The following DNAH12 variants were observed in gnomAD, a reference collection of about 807,000 sequenced individuals.
The protein encoded by DNAH12 is dynein axonemal heavy chain 12.
DNAH12 carries 285 observed loss-of-function variants against 371.5 expected under a neutral mutation model. The ratio of observed to expected loss-of-function variants is 0.77; its 90% CI spans 0.70 to 0.85. DNAH12 has a LOEUF of 0.85. Among genes scored for constraint, DNAH12 ranks in the 40% least tolerant of loss-of-function variants. DNAH12 has a pLI of 0.00. For missense variants in DNAH12, 3,611 were observed against 3,689.4 expected (o/e 0.98, Z 0.55); for synonymous variants, 1,200 against 1,213.0 (o/e 0.99, Z 0.22).
At chr3:57,448,835 CAG>C (rs2065638685) in intron 25 of DNAH12, among the ~76,000 whole-genome samples, 4 of 152,138 alleles carry the variant, frequency 2.6e-5, no homozygotes, top group Non-Finnish European at 4.4e-5. Flanking sequence ...TAGCTAGATA[CAG>C]AGTGTTGATT....
chr3:57,372,536 T>C (rs1239782174), intron 55 of DNAH12, among the ~76,000 whole-genome samples: 1 of 151,890 alleles, frequency 6.6e-6, no homozygotes, highest in Non-Finnish European at 1.5e-5. Flanking sequence ...TTATGGCATA[T>C]GAAAAAGTGA....
At chr3:57,373,103 G>A (rs2063209340) in intron 55 of DNAH12, among the ~76,000 whole-genome samples, 1 of 152,116 alleles carries the variant, frequency 6.6e-6, no homozygotes, top group African/African-American at 2.4e-5. Flanking sequence ...AGTCCTAACT[G>A]TAAAAAGTAC....
chr3:57,398,589 G>C (rs2063792307), intron 43 of DNAH12, among the ~76,000 whole-genome samples: 1 of 152,194 alleles, frequency 6.6e-6, no homozygotes, highest in Non-Finnish European at 1.5e-5. Flanking sequence ...ATTACCTTAA[G>C]ATTAGCAGTG....
chr3:57,345,390 T>C (rs1015485134), intron 60 of DNAH12, among the ~76,000 whole-genome samples: 1 of 152,164 alleles, frequency 6.6e-6, no homozygotes, highest in Non-Finnish European at 1.5e-5. Context: ...CCATAATGTA[T>C]ACAAAGAATT....
chr3:57,429,456 G>A (rs145178175), intron 33 of DNAH12, among the ~76,000 whole-genome samples: 177 of 152,232 alleles, frequency 1.2e-3, no homozygotes, highest in African/African-American at 4.0e-3. Context: ...AATTACAGGC[G>A]TGAGCCACCG....
intron 73 of DNAH12, among the ~76,000 whole-genome samples, 200 bp from the exon 74 acceptor site, chr3:57,294,171 CTTTTCTT>C (rs1559528195): frequency 1.6e-5 from 2 of 124,370 alleles, no homozygotes; most frequent in Non-Finnish European, 3.3e-5. Context: ...TATTTCTTTT[CTTTTCTT>C]TTTTTTTTTT....
At chr3:57,325,017 A>G (rs1331673455) in intron 62 of DNAH12, among the ~76,000 whole-genome samples, 2 of 152,278 alleles carry the variant, frequency 1.3e-5, no homozygotes, top group African/African-American at 2.4e-5. Flanking sequence ...GAGGCTGGGG[A>G]AGGGGCGCCC....
intron 69 of DNAH12, among the ~76,000 whole-genome samples, chr3:57,302,558 TATATATG>T (rs2061377468): frequency 4.0e-5 from 4 of 101,208 alleles, no homozygotes; most frequent in Non-Finnish European, 5.7e-5. Context: ...TATATATATA[TATATATG>T]TATTTTTTTT....
At chr3:57,444,915 C>G (rs887920634) in intron 28 of DNAH12, 99 bp from the exon 29 acceptor site, 96 of 1,413,894 alleles carry the variant, frequency 6.8e-5, no homozygotes, top group South Asian at 1.2e-4. Flanking sequence ...ACCCCACCCC[C>G]CTGGCTAAAA....
chr3:57,551,811 GA>G, the DNAH12 span, among the ~76,000 whole-genome samples: 75 of 123,594 alleles, frequency 6.1e-4, no homozygotes, highest in African/African-American at 2.1e-3. Context: ...TCAAAAAAAT[GA>G]AAAAAAAACA....
intron 62 of DNAH12, among the ~76,000 whole-genome samples, chr3:57,333,574 GT>G (rs1290571516): frequency 6.6e-6 from 1 of 151,790 alleles, no homozygotes; most frequent in Admixed American, 6.6e-5. Context: ...CAAGTGATCT[GT>G]CCTCCTCGGC....
chr3:57,514,891 T>C lies in DNAH12; in HGVS notation c.280-3912A>G, dbSNP rs144751201. Among the ~76,000 whole-genome samples the C allele has an allele frequency of 2.7e-3, 414 of 152,294 alleles. 2 individuals carry two copies. Among genetic ancestry groups the C allele is most frequent in the Non-Finnish European group, 4.4e-3 (297 of 68,022 alleles). ...TCCTTATGCTAAGTACAAAAGACTA[T>C]AGGTGAATATTAAACTATGGTGAGG... On this transcript the variant is annotated intron_variant, in intron 4 of 73. Coordinates refer to ENST00000495027, the MANE Select transcript of DNAH12 (RefSeq NM_001366028.2).
rs1303330717 is a variant in DNAH12, at chr3:57,310,837, G to A, written c.10776C>T (p.Thr3592=). The change falls in exon 67 of 74, where the codon ACC becomes ACT. Residue 3592 remains threonine (T), a synonymous_variant. Transcript: ENST00000495027. ...TDDWDRRLLL[T]MLADFYNLYI... is the part of the protein sequence containing the mutation. ...ACAGATTATAAAAGTCAGCCAGCAT[G>A]GTTAATAGAAGACGTCTGTCCCAAT... 8 of 1,551,572 alleles carry A rather than the reference G, an allele frequency of 5.2e-6. No individual in the cohort carries two copies. Among genetic ancestry groups the A allele is most frequent in the Non-Finnish European group, 5.2e-6 (6 of 1,146,924 alleles).
intron 39 of DNAH12, among the ~76,000 whole-genome samples, chr3:57,411,294 G>A (rs1389532696): frequency 3.3e-5 from 5 of 152,120 alleles, no homozygotes; most frequent in East Asian, 1.9e-4. Context: ...TTGGGAGGCC[G>A]AGGAAGGTGG....
chr3:57,355,481 A>T (rs2062777287), intron 59 of DNAH12, among the ~76,000 whole-genome samples: 1 of 146,506 alleles, frequency 6.8e-6, no homozygotes, highest in Admixed American at 6.9e-5. Context: ...ATAGCATTTT[A>T]TGCCTAAATT....
At chr3:57,530,110 T>C (rs2068790487) in intron 2 of DNAH12, among the ~76,000 whole-genome samples, 1 of 152,164 alleles carries the variant, frequency 6.6e-6, no homozygotes. Flanking sequence ...CTTGATATTA[T>C]TTCAAATTCT....
intron 43 of DNAH12, among the ~76,000 whole-genome samples, chr3:57,397,295 T>C (rs1323278992): frequency 6.6e-6 from 1 of 151,476 alleles, no homozygotes; most frequent in African/African-American, 2.5e-5. Flanking sequence ...GAAAAGAGCA[T>C]GAACAAGAGA....
chr3:57,361,444 C>CTATATA (rs1201361123), intron 58 of DNAH12, among the ~76,000 whole-genome samples: 2,002 of 116,642 alleles, frequency 0.017, 41 homozygotes, highest in East Asian at 0.057. Context: ...CACACACACA[C>CTATATA]TATATATATA....
intron 8 of DNAH12, among the ~76,000 whole-genome samples, chr3:57,505,324 CTG>C (rs1223261276): frequency 1.3e-5 from 2 of 150,250 alleles, no homozygotes; most frequent in African/African-American, 4.9e-5. Flanking sequence ...ATTAGTTCAA[CTG>C]TTTTAATTTT....
Sources: allele counts gnomAD v4.1 joint callset (sites outside exome capture counted in the v4.1 genomes callset), GRCh38; gene constraint gnomAD v4.1.1; transcripts MANE v1.5; gene names NCBI Gene and HGNC (gene_info 2026-07-23, HGNC 2026-07-21).